SCAI: variants seen among roughly 807,000 people sequenced by gnomAD.
SCAI encodes suppressor of cancer cell invasion.
SCAI carries 24 observed loss-of-function variants against 92.2 expected under a neutral mutation model. That is an observed-to-expected ratio of 0.26 (90% CI 0.19 to 0.37). The LOEUF is 0.37. Ranked by LOEUF, SCAI falls within the 10% of genes least tolerant of loss-of-function variation. The pLI is 1.00. For synonymous variants in SCAI, 261 were observed against 258.6 expected (o/e 1.01, Z -0.09); for missense variants, 450 against 736.2 (o/e 0.61, Z 4.50).
chr9:125,063,832 C>A (rs896629457), intron 2 of SCAI, among the ~76,000 whole-genome samples: 2 of 151,560 alleles, frequency 1.3e-5, no homozygotes, highest in Non-Finnish European at 2.9e-5. Context: ...CGGCTTACTG[C>A]AACCTCCATC....
chr9:125,112,164 T>C (rs1401727720), intron 2 of SCAI, among the ~76,000 whole-genome samples: 1 of 152,158 alleles, frequency 6.6e-6, no homozygotes, highest in Non-Finnish European at 1.5e-5. Context: ...TTAGTACAGT[T>C]ATATGCCCTA....
At position 125,002,488 on chromosome 9, in the gene SCAI, G is replaced by GTTTTTTTTTTTTTTTT. The variant is rs58586769; in HGVS notation, c.1066-446_1066-445insAAAAAAAAAAAAAAAA. On this transcript the variant is annotated intron_variant, in intron 11 of 17. Transcript: ENST00000336505. The stretch of plus-strand genomic sequence containing the variant: ...ACACTCTGCTTTTGTTTTTTAGTCT[G>GTTTTTTTTTTTTTTTT]TTTTTTTTTTTGAAACAGAGTTTCA... 3.3e-3 allele frequency among the ~76,000 whole-genome samples: 407 copies of GTTTTTTTTTTTTTTTT among 125,002 alleles called. 32 individuals carry two copies. The highest frequency in any genetic ancestry group is 0.013 in the East Asian group (59 of 4,454). The allele number at this position is 125,002 out of a possible 152,430, so 82.0% of individuals were successfully genotyped here.
At chr9:125,020,883 A>T (rs549782491) in intron 6 of SCAI, 114 bp from the exon 7 acceptor site, 42 of 535,358 alleles carry the variant, frequency 7.8e-5, no homozygotes, top group Non-Finnish European at 1.2e-4. Context: ...ACAATTATAA[A>T]CATTCCCACA....
chr9:125,053,420 T>G (rs556511511), intron 3 of SCAI, among the ~76,000 whole-genome samples: 1 of 152,276 alleles, frequency 6.6e-6, no homozygotes, highest in Admixed American at 6.5e-5. Context: ...AAAACTCAAA[T>G]GTCTATCAAC....
intron 3 of SCAI, among the ~76,000 whole-genome samples, chr9:125,030,323 T>C (rs1245731133): frequency 1.1e-4 from 17 of 152,188 alleles, no homozygotes; most frequent in Admixed American, 1.1e-3. Flanking sequence ...TTATATCATA[T>C]CTTAGGAGAA....
rs77318266 is a variant in SCAI at position 125,072,087 on chromosome 9, A to G, written c.99-16080T>C. Among the ~76,000 whole-genome samples, 2,708 of 151,180 alleles carry G rather than the reference A, an allele frequency of 0.018. 140 individuals are homozygous for G. In the East Asian group the frequency reaches 0.22, roughly 12 times the overall value. On this transcript the variant is annotated intron_variant, in intron 2 of 17. Coordinates refer to ENST00000336505, the MANE Select transcript of SCAI (RefSeq NM_001144877.3). The stretch of plus-strand genomic sequence containing the variant: ...TCACCAGGCTGGAGTGCAGTGGTGC[A>G]ATCTCGGCTCACTGCAACCTCTGCC...
At chr9:124,954,214 T>C (rs979370710) in intron 17 of SCAI, among the ~76,000 whole-genome samples, 5 of 152,174 alleles carry the variant, frequency 3.3e-5, no homozygotes, top group African/African-American at 1.2e-4. Flanking sequence ...ATACAGAAGA[T>C]ACAAAGAACA....
At chr9:125,108,544 A>G (rs1447824154) in intron 2 of SCAI, among the ~76,000 whole-genome samples, 1 of 144,032 alleles carries the variant, frequency 6.9e-6, no homozygotes, top group Admixed American at 6.9e-5. Context: ...GGAGGTGAGG[A>G]GCGTCTCTGC....
intron 17 of SCAI, among the ~76,000 whole-genome samples, chr9:124,954,397 C>G (rs769012113): frequency 6.6e-6 from 1 of 152,116 alleles, no homozygotes; most frequent in Non-Finnish European, 1.5e-5. Context: ...TGAAACTATA[C>G]AGTTAAAGCA....
chr9:125,029,827 A>G, intron 3 of SCAI, 88 bp from the exon 4 acceptor site: 1 of 701,110 alleles, frequency 1.4e-6, no homozygotes, highest in South Asian at 3.0e-5. Context: ...CAGACAGATG[A>G]AAAATGCTTG....
At chr9:125,057,669 AGTGT>A (rs1314449533) in intron 2 of SCAI, among the ~76,000 whole-genome samples, 1 of 152,142 alleles carries the variant, frequency 6.6e-6, no homozygotes, top group East Asian at 1.9e-4. Context: ...TTGAAGGCCG[AGTGT>A]GGAGGAGGAG....
intron 2 of SCAI, among the ~76,000 whole-genome samples, chr9:125,104,629 T>G (rs1362245947): frequency 6.9e-6 from 1 of 145,546 alleles, no homozygotes; most frequent in Non-Finnish European, 1.5e-5. Context: ...AAAAGGCCAG[T>G]GCAGTGGCTC....
intron 2 of SCAI, among the ~76,000 whole-genome samples, chr9:125,096,325 C>T (rs1263565603): frequency 3.3e-5 from 5 of 152,088 alleles, no homozygotes; most frequent in African/African-American, 7.2e-5. Flanking sequence ...AAAAACCTGC[C>T]CCCATGATTC....
In SCAI at chr9:125,137,898, G is replaced by A. The variant is rs372991806; in HGVS notation, c.98+4735C>T. ...ATTACAGATGTGAGCCACCACGCTT[G>A]GCCAAGAAGCAATCTTTAAAAACTC... On this transcript the variant is annotated intron_variant, in intron 2 of 17. Coordinates refer to ENST00000336505, the MANE Select transcript of SCAI (RefSeq NM_001144877.3). 1.2e-4 allele frequency among the ~76,000 whole-genome samples: 18 copies of A among 152,240 alleles called. No homozygotes were observed. In the East Asian group the frequency reaches 2.1e-3, roughly 18 times the overall value.
At chr9:125,126,567 G>GGTGGGT (rs1554794292) in intron 2 of SCAI, among the ~76,000 whole-genome samples, 1 of 128,500 alleles carries the variant, frequency 7.8e-6, no homozygotes, top group East Asian at 2.3e-4. Flanking sequence ...GGTGGGTGTG[G>GGTGGGT]GTGTGTGTGT....
chr9:125,125,907 CGT>C (rs1198849397), intron 2 of SCAI, among the ~76,000 whole-genome samples: 32 of 96,140 alleles, frequency 3.3e-4, no homozygotes, highest in African/African-American at 9.8e-4. Flanking sequence ...CGTGCGTACA[CGT>C]ACACACACAC....
intron 9 of SCAI, among the ~76,000 whole-genome samples, chr9:125,014,160 G>A (rs958812419): frequency 6.6e-6 from 1 of 152,168 alleles, no homozygotes; most frequent in Non-Finnish European, 1.5e-5. Flanking sequence ...ATTCAACACA[G>A]TGTTGGAAGT....
chr9:125,137,283 T>C (rs2072633572), intron 2 of SCAI, among the ~76,000 whole-genome samples: 1 of 152,238 alleles, frequency 6.6e-6, no homozygotes, highest in African/African-American at 2.4e-5. Flanking sequence ...TCAGGCATGC[T>C]GAATATGTAG....
chr9:125,010,202 C>T (rs189875990), intron 9 of SCAI, among the ~76,000 whole-genome samples: 2 of 152,304 alleles, frequency 1.3e-5, no homozygotes, highest in African/African-American at 2.4e-5. Context: ...TGCAGCGCAC[C>T]GTGCGCGAGC....
Sources: allele counts gnomAD v4.1 joint callset (sites outside exome capture counted in the v4.1 genomes callset), GRCh38; gene constraint gnomAD v4.1.1; transcripts MANE v1.5; gene names NCBI Gene and HGNC (gene_info 2026-07-23, HGNC 2026-07-21).